The following PLCZ1 variants were observed in gnomAD, a reference collection of about 807,000 sequenced individuals.
PLCZ1 encodes the protein 1-phosphatidylinositol 4,5-bisphosphate phosphodiesterase zeta-1.
PLCZ1 carries 64 observed loss-of-function variants against 76.8 expected under a neutral mutation model. The ratio of observed to expected loss-of-function variants is 0.83; its 90% CI spans 0.68 to 1.03. The LOEUF is 1.03. Ranked by LOEUF, PLCZ1 falls within the 50% of genes least tolerant of loss-of-function variation. The pLI, the probability that PLCZ1 is intolerant of heterozygous loss-of-function variation, is 0.00. For missense variants in PLCZ1, 751 were observed against 713.7 expected (o/e 1.05, Z -0.60); for synonymous variants, 248 against 230.8 (o/e 1.07, Z -0.68).
chr12:18,686,718 T>A (rs1400278004), intron 13 of PLCZ1, among the ~76,000 whole-genome samples: 1 of 152,076 alleles, frequency 6.6e-6, no homozygotes, highest in African/African-American at 2.4e-5. Flanking sequence ...ATTTTACTTA[T>A]AGCATCATCT....
intron 10 of PLCZ1, among the ~76,000 whole-genome samples, chr12:18,698,686 C>T (rs181933466): frequency 3.4e-4 from 52 of 152,008 alleles, no homozygotes; most frequent in African/African-American, 9.2e-4. Flanking sequence ...ATGGAGTACA[C>T]GAGATATTTT....
intron 13 of PLCZ1, 33 bp from the exon 14 acceptor site, chr12:18,684,312 A>G: frequency 6.4e-7 from 1 of 1,561,908 alleles, no homozygotes; most frequent in Non-Finnish European, 8.8e-7. Flanking sequence ...ACAAAGAATA[A>G]TAGATACCAT....
At chr12:18,694,302 A>C (rs1293611152) in intron 12 of PLCZ1, among the ~76,000 whole-genome samples, 1 of 152,132 alleles carries the variant, frequency 6.6e-6, no homozygotes, top group Non-Finnish European at 1.5e-5. Flanking sequence ...TTCCCAATAA[A>C]GCGCGCTCTT....
intron 5 of PLCZ1, chr12:18,713,603 A>G (rs1014442121): frequency 2.0e-5 from 3 of 152,784 alleles, no homozygotes; most frequent in Admixed American, 6.5e-5. Flanking sequence ...ACCATTTAAC[A>G]TAAGGCCATC....
At chr12:18,697,658 C>G (rs966086532) in intron 10 of PLCZ1, among the ~76,000 whole-genome samples, 3 of 152,110 alleles carry the variant, frequency 2.0e-5, no homozygotes, top group Admixed American at 6.5e-5. Context: ...ACTGATAACT[C>G]CTTCACATAT....
chr12:18,685,007 C>G (rs949026888), intron 13 of PLCZ1, among the ~76,000 whole-genome samples: 1 of 151,996 alleles, frequency 6.6e-6, no homozygotes, highest in Admixed American at 6.6e-5. Flanking sequence ...CCTGAGGCCT[C>G]CCCAGCCATG....
intron 14 of PLCZ1, 37 bp downstream of exon 14, chr12:18,684,093 A>G (rs956700612): frequency 1.2e-6 from 2 of 1,604,036 alleles, no homozygotes; most frequent in Non-Finnish European, 1.7e-6. Context: ...GTTATATTTA[A>G]ATGCTGGTAC....
the PLCZ1 span, among the ~76,000 whole-genome samples, chr12:18,657,770 A>T: frequency 1.3e-5 from 2 of 152,330 alleles, no homozygotes; most frequent in East Asian, 3.9e-4. Flanking sequence ...TCAGTCTTCA[A>T]CAAAAAATTG....
Position 18,684,246 on chromosome 12 carries a change from A to G in PLCZ1, c.1625T>C (p.Phe542Ser). 1 of 1,610,430 alleles carries G rather than the reference A, an allele frequency of 6.2e-7. No individual in the cohort carries two copies. Among genetic ancestry groups the G allele is most frequent in the Non-Finnish European group, 8.5e-7 (1 of 1,177,360 alleles). Residue 542 changes from phenylalanine to serine, a missense_variant, in exon 14 of 15, where the codon TTT becomes TCT. Transcript: ENST00000266505. ...TGCCAATTCTGGGACATGAATAATA[A>G]ATGTGAATGTTTCATTCCATCTTGG... ...FSPRWNETFT[F>S]IIHVPELALI...
chr12:18,731,748 T>C (rs1255627953), intron 3 of PLCZ1, among the ~76,000 whole-genome samples: 2 of 152,058 alleles, frequency 1.3e-5, no homozygotes, highest in Admixed American at 6.6e-5. Context: ...CCTATTGATC[T>C]GGATTGGCCA....
At chr12:18,700,838 T>C (rs1051602182) in intron 9 of PLCZ1, among the ~76,000 whole-genome samples, 1 of 152,214 alleles carries the variant, frequency 6.6e-6, no homozygotes, top group Non-Finnish European at 1.5e-5. Context: ...CTAATGTATA[T>C]ACATATAACA....
intron 3 of PLCZ1, among the ~76,000 whole-genome samples, chr12:18,725,339 G>A (rs778211707): frequency 2.0e-5 from 3 of 152,058 alleles, no homozygotes; most frequent in African/African-American, 4.8e-5. Context: ...GCTGAGGCAC[G>A]TGACAGCAGC....
At chr12:18,713,369 A>G (rs1473138502) in intron 5 of PLCZ1, among the ~76,000 whole-genome samples, 1 of 152,182 alleles carries the variant, frequency 6.6e-6, no homozygotes, top group Non-Finnish European at 1.5e-5. Flanking sequence ...CATACCATTC[A>G]AAAGTGATAA....
the PLCZ1 span, among the ~76,000 whole-genome samples, chr12:18,664,218 T>G: frequency 1.3e-5 from 2 of 152,310 alleles, 1 homozygote; most frequent in Middle Eastern, 6.8e-3. Context: ...GTTTGGTGGT[T>G]CCTCAAAAAC....
chr12:18,718,339 C>A (rs550091204), intron 5 of PLCZ1, among the ~76,000 whole-genome samples: 2 of 152,146 alleles, frequency 1.3e-5, no homozygotes, highest in Non-Finnish European at 2.9e-5. Context: ...CCACTCTGGC[C>A]CCATCAGTCA....
At chr12:18,722,513 G>T (rs190200844) in intron 4 of PLCZ1, among the ~76,000 whole-genome samples, 4 of 151,964 alleles carry the variant, frequency 2.6e-5, no homozygotes, top group Admixed American at 6.6e-5. Flanking sequence ...ACTTTCATAC[G>T]CCCCTCCTAG....
chr12:18,689,390 A>T (rs550195747), intron 12 of PLCZ1, among the ~76,000 whole-genome samples: 1 of 152,330 alleles, frequency 6.6e-6, no homozygotes, highest in African/African-American at 2.4e-5. Context: ...GTGGCTTTGA[A>T]TGCGGCCCAA....
the PLCZ1 span, among the ~76,000 whole-genome samples, chr12:18,653,192 G>A: frequency 2.0e-5 from 3 of 152,060 alleles, no homozygotes; most frequent in African/African-American, 4.8e-5. Context: ...CCCAGCATTG[G>A]CAGCATGGTT....
At chr12:18,716,845 A>G (rs1222388123) in intron 5 of PLCZ1, among the ~76,000 whole-genome samples, 3 of 152,256 alleles carry the variant, frequency 2.0e-5, no homozygotes, top group Non-Finnish European at 4.4e-5. Context: ...AACTGGTAAT[A>G]AAAATAAATT....
Sources: gnomAD v4.1 joint callset for allele counts (sites outside exome capture counted in the v4.1 genomes callset) on GRCh38, gnomAD v4.1.1 for gene constraint, MANE v1.5 for transcripts, NCBI Gene and HGNC (gene_info 2026-07-23, HGNC 2026-07-21) for gene names.